The following IFNLR1 variants were observed in gnomAD, a reference collection of about 807,000 sequenced individuals.
IFNLR1 encodes CRF2-12.
IFNLR1 carries 28 observed loss-of-function variants against 52.5 expected under a neutral mutation model. That is an observed-to-expected ratio of 0.53 (90% CI 0.40 to 0.73). IFNLR1 has a LOEUF of 0.73. Among genes scored for constraint, IFNLR1 ranks in the 30% least tolerant of loss-of-function variants. The pLI is 0.00. For missense variants in IFNLR1, 623 were observed against 659.1 expected (o/e 0.95, Z 0.60); for synonymous variants, 276 against 274.9 (o/e 1.00, Z -0.04).
intron 3 of IFNLR1, among the ~76,000 whole-genome samples, chr1:24,166,163 C>T (rs541693860): frequency 1.4e-5 from 2 of 143,334 alleles, no homozygotes; most frequent in East Asian, 4.0e-4. Context: ...GCCTTCTTAT[C>T]CTTCCTTTCC....
At chr1:24,180,695 G>T in intron 2 of IFNLR1, 36 bp downstream of exon 2, 1 of 515,448 alleles carries the variant, frequency 1.9e-6, no homozygotes, top group Non-Finnish European at 3.4e-6. Context: ...CACCCCCTCA[G>T]TCTTCCCATC....
At chr1:24,158,193 G>C (rs1644403227) in intron 6 of IFNLR1, among the ~76,000 whole-genome samples, 1 of 152,220 alleles carries the variant, frequency 6.6e-6, no homozygotes, top group Non-Finnish European at 1.5e-5. Flanking sequence ...TTTACCCACA[G>C]TCATTGTTGA....
Position 24,187,286 on chromosome 1 carries a change from C to G in IFNLR1, c.-38G>C. On this transcript the variant is annotated 5_prime_UTR_variant, in exon 1 of 7. Transcript: ENST00000327535. ...GCGGCGTCCCCGCCCGGGCCCAGGT[C>G]CCCGCCTCCCGCCTCCCGCCTCCCG... 1 of 1,225,230 alleles carries G rather than the reference C, an allele frequency of 8.2e-7. No homozygotes were observed. The highest frequency in any genetic ancestry group is 1.0e-6 in the Non-Finnish European group (1 of 972,596). The allele number at this position is 1,225,230 out of a possible 1,614,324, so 75.9% of individuals were successfully genotyped here. A position where few individuals can be genotyped will look rare whatever the true frequency, so the allele number is the denominator to read the frequency against.
At position 24,169,530 on chromosome 1, in the gene IFNLR1, A is replaced by C; in HGVS notation, c.254T>G (p.Met85Arg). 6.2e-7 allele frequency: 1 copy of C among 1,614,216 alleles called. No individual in the cohort carries two copies. Among genetic ancestry groups the C allele is most frequent in the Non-Finnish European group, 8.5e-7 (1 of 1,180,036 alleles). The change falls in exon 3 of 7, where the codon ATG becomes AGG. Residue 85 changes from methionine (M) to arginine (R), a missense_variant. By Grantham distance (91) the Met-to-Arg change is moderately conservative (BLOSUM62 -1). Transcript: ENST00000327535. ...AGTKELLCSM[M>R]CLKKQDLYNK... ...GTACAGGTCCTGTTTCTTCAGGCACATCATAGAACATAGCAGCTCCTTGGT... is the reference window on the plus strand; with the variant it reads ...GTACAGGTCCTGTTTCTTCAGGCACCTCATAGAACATAGCAGCTCCTTGGT...
At chr1:24,163,682 C>T (rs952196353) in intron 3 of IFNLR1, among the ~76,000 whole-genome samples, 4 of 151,750 alleles carry the variant, frequency 2.6e-5, no homozygotes, top group Non-Finnish European at 5.9e-5. Flanking sequence ...CGGGTTCAAG[C>T]GATTCTACTG....
intron 3 of IFNLR1, 26 bp from the exon 4 acceptor site, chr1:24,161,710 A>G (rs1644445280): frequency 1.4e-6 from 2 of 1,459,958 alleles, no homozygotes; most frequent in East Asian, 2.5e-5. Context: ...AGGACCTGTC[A>G]GTAATCCCGA....
chr1:24,183,540 A>T (rs1280850396), intron 1 of IFNLR1, among the ~76,000 whole-genome samples: 1 of 152,210 alleles, frequency 6.6e-6, no homozygotes, highest in Non-Finnish European at 1.5e-5. Context: ...TGATTGTGCC[A>T]CTGCACTTCA....
intron 2 of IFNLR1, 64 bp downstream of exon 2, chr1:24,180,667 G>GCCCCAAC: frequency 7.5e-7 from 1 of 1,325,308 alleles, no homozygotes; most frequent in East Asian, 2.4e-5. Context: ...TCCCAGAGAA[G>GCCCCAAC]CCCCTCCAGC....
intron 4 of IFNLR1, among the ~76,000 whole-genome samples, chr1:24,160,155 T>A (rs1261889922): frequency 6.6e-6 from 1 of 152,136 alleles, no homozygotes; most frequent in African/African-American, 2.4e-5. Flanking sequence ...TGCACCCCAT[T>A]AAGGTCCCTA....
intron 1 of IFNLR1, among the ~76,000 whole-genome samples, chr1:24,184,263 C>T (rs1431850098): frequency 1.3e-5 from 2 of 152,318 alleles, no homozygotes. Flanking sequence ...TTTCACATTC[C>T]TTTGATGTCA....
intron 3 of IFNLR1, among the ~76,000 whole-genome samples, chr1:24,163,847 G>A (rs148573412): frequency 2.6e-5 from 4 of 152,090 alleles, no homozygotes; most frequent in Admixed American, 2.6e-4. Context: ...CCAAAGTGCT[G>A]GGATTACAGG....
chr1:24,156,348 G>A lies in IFNLR1; in HGVS notation c.*782C>T, dbSNP rs1268253583. ...GCCTGGATAGATGGAGAATTCTACC[G>A]GCCACCACGTAGAGAGCACCCAGGA... On this transcript the variant is annotated 3_prime_UTR_variant, in exon 7 of 7. Transcript: ENST00000327535. 1 of 152,324 alleles carries A rather than the reference G, an allele frequency of 6.6e-6. No homozygotes were observed. Among genetic ancestry groups the A allele is most frequent in the Non-Finnish European group, 1.5e-5 (1 of 68,210 alleles). The allele number at this position is 152,324 out of a possible 1,614,324, so 9.4% of individuals were successfully genotyped here. A position where few individuals can be genotyped will look rare whatever the true frequency, so the allele number is the denominator to read the frequency against.
At chr1:24,181,811 A>C (rs905134344) in intron 1 of IFNLR1, among the ~76,000 whole-genome samples, 4 of 152,188 alleles carry the variant, frequency 2.6e-5, no homozygotes, top group African/African-American at 9.7e-5. Flanking sequence ...TGGATCAGAC[A>C]AGAGTCACAG....
intron 4 of IFNLR1, chr1:24,161,296 G>C: frequency 5.0e-6 from 3 of 594,514 alleles, no homozygotes; most frequent in Non-Finnish European, 9.1e-6. Context: ...CTTTTGGTCT[G>C]CTTCTTAGAG....
At chr1:24,163,048 C>T (rs577590814) in intron 3 of IFNLR1, among the ~76,000 whole-genome samples, 37 of 148,606 alleles carry the variant, frequency 2.5e-4, no homozygotes, top group African/African-American at 9.0e-4. Flanking sequence ...GCAACCTCTG[C>T]CTCCCGGATT....
At chr1:24,178,904 A>G (rs545757511) in intron 2 of IFNLR1, among the ~76,000 whole-genome samples, 2 of 152,270 alleles carry the variant, frequency 1.3e-5, no homozygotes, top group Admixed American at 1.3e-4. Flanking sequence ...TCACCATTCT[A>G]ATGTATAAAA....
At chr1:24,186,755 G>T (rs556584468) in intron 1 of IFNLR1, among the ~76,000 whole-genome samples, 36 of 152,272 alleles carry the variant, frequency 2.4e-4, no homozygotes, top group Admixed American at 2.3e-3. Flanking sequence ...GGGCACAGGC[G>T]ACCAGAGCTC....
rs11249009 is a variant in IFNLR1 at position 24,157,027 on chromosome 1, G to A, written c.*103C>T. ...CTTCCCGGAAGTGCAATGCCCCTCC[G>A]CCGCCCAGGGGAGGTACGGAGGCTC... On this transcript the variant is annotated 3_prime_UTR_variant, in exon 7 of 7. Transcript: ENST00000327535. The surrounding 1 kb of genome is among the most constrained non-coding windows in gnomAD (Gnocchi z 5.1). 25 of 1,378,654 alleles carry A rather than the reference G, an allele frequency of 1.8e-5. No homozygotes were observed. Among genetic ancestry groups the A allele is most frequent in the East Asian group, 6.9e-5 (3 of 43,298 alleles). 85.4% of individuals were successfully genotyped at this position (1,378,654 alleles called of 1,614,324 possible).
chr1:24,177,319 A>C (rs1455270247), intron 2 of IFNLR1, among the ~76,000 whole-genome samples: 2 of 152,226 alleles, frequency 1.3e-5, no homozygotes, highest in African/African-American at 4.8e-5. Flanking sequence ...ATAGTGACTC[A>C]GTCCGAATCT....
Sources: allele counts gnomAD v4.1 joint callset (sites outside exome capture counted in the v4.1 genomes callset), GRCh38; gene constraint gnomAD v4.1.1; non-coding constraint Gnocchi (gnomAD v3.1); transcripts MANE v1.5; gene names NCBI Gene and HGNC (gene_info 2026-07-23, HGNC 2026-07-21).